The following SLC71A2 variants were observed in gnomAD, a reference collection of about 807,000 sequenced individuals.
SLC71A2 encodes solute carrier family 71 member 2.
At chr9:94,438,303 G>A in the SLC71A2 span, 8 of 1,409,680 alleles carry the variant, frequency 5.7e-6, no homozygotes, top group Non-Finnish European at 7.9e-6. Context: ...TTTGGGGGCA[G>A]TACAATGAAT....
chr9:94,459,339 C>T, the SLC71A2 span: 4 of 1,614,108 alleles, frequency 2.5e-6, no homozygotes, highest in South Asian at 4.4e-5. Context: ...GACATTGAGC[C>T]ACTACTGCAA....
At chr9:94,451,458 C>A in the SLC71A2 span, 1 of 1,533,206 alleles carries the variant, frequency 6.5e-7, no homozygotes. Flanking sequence ...TTCCATAGGT[C>A]ATAGGTTTTG....
the SLC71A2 span, among the ~76,000 whole-genome samples, chr9:94,429,435 A>G: frequency 6.6e-6 from 1 of 152,134 alleles, no homozygotes; most frequent in East Asian, 1.9e-4. Context: ...TAAGGCATAG[A>G]ATGGTTTACT....
the SLC71A2 span, among the ~76,000 whole-genome samples, chr9:94,428,286 T>C: frequency 6.6e-6 from 1 of 150,690 alleles, no homozygotes; most frequent in African/African-American, 2.5e-5. Context: ...GACTTACATT[T>C]ATTATTTTTG....
chr9:94,412,060 G>T, the SLC71A2 span, among the ~76,000 whole-genome samples: 1 of 152,140 alleles, frequency 6.6e-6, no homozygotes, highest in Admixed American at 6.6e-5. Context: ...TGCAGTTTGT[G>T]TTTCTTTTCA....
chr9:94,446,207 G>A, the SLC71A2 span, among the ~76,000 whole-genome samples: 1 of 152,228 alleles, frequency 6.6e-6, no homozygotes. Context: ...GGTCTGATGA[G>A]CTAGAAGCTC....
chr9:94,380,295 T>G, the SLC71A2 span, among the ~76,000 whole-genome samples: 1 of 151,072 alleles, frequency 6.6e-6, no homozygotes, highest in South Asian at 2.1e-4. Flanking sequence ...AATTTCTCAG[T>G]TTCTTACATG....
At chr9:94,378,463 A>C in the SLC71A2 span, among the ~76,000 whole-genome samples, 1 of 152,072 alleles carries the variant, frequency 6.6e-6, no homozygotes, top group Non-Finnish European at 1.5e-5. Context: ...CCCCATCTCT[A>C]CTAAAAATAC....
the SLC71A2 span, chr9:94,453,950 C>T: frequency 6.3e-7 from 1 of 1,586,486 alleles, no homozygotes. Flanking sequence ...GTCTCCTTTA[C>T]TTTGCAGACG....
the SLC71A2 span, among the ~76,000 whole-genome samples, chr9:94,419,175 A>C: frequency 2.6e-5 from 4 of 151,964 alleles, no homozygotes; most frequent in African/African-American, 9.7e-5. Context: ...ATACAGTGGC[A>C]CAATAATAGC....
At chr9:94,435,779 C>T in the SLC71A2 span, among the ~76,000 whole-genome samples, 937 of 151,614 alleles carry the variant, frequency 6.2e-3, 8 homozygotes, top group African/African-American at 0.021. Flanking sequence ...CTTAGCCTCC[C>T]GAGTAGCTGG....
the SLC71A2 span, among the ~76,000 whole-genome samples, chr9:94,450,493 CT>C: frequency 7.9e-4 from 81 of 101,962 alleles, no homozygotes; most frequent in Non-Finnish European, 8.7e-4. Flanking sequence ...AATAATGTAA[CT>C]TTTTTTTTTT....
the SLC71A2 span, chr9:94,459,235 C>G: frequency 6.2e-7 from 1 of 1,613,604 alleles, no homozygotes; most frequent in Non-Finnish European, 8.5e-7. Context: ...TTGCCTTATT[C>G]ATTCCTGAAT....
At chr9:94,441,849 A>G in the SLC71A2 span, among the ~76,000 whole-genome samples, 3 of 152,268 alleles carry the variant, frequency 2.0e-5, no homozygotes, top group African/African-American at 7.2e-5. Flanking sequence ...AGTGTTTCTG[A>G]TTTTCTCAGG....
the SLC71A2 span, among the ~76,000 whole-genome samples, chr9:94,424,917 T>TA: frequency 4.2e-4 from 47 of 111,146 alleles, no homozygotes; most frequent in African/African-American, 1.2e-3. Context: ...TTTTTTTTTT[T>TA]TAAATAATAA....
chr9:94,424,198 A>C, the SLC71A2 span, among the ~76,000 whole-genome samples: 1 of 151,710 alleles, frequency 6.6e-6, no homozygotes. Flanking sequence ...CCTTGTGCCA[A>C]CACCATCCTG....
At chr9:94,375,198 T>G in the SLC71A2 span, among the ~76,000 whole-genome samples, 1 of 152,010 alleles carries the variant, frequency 6.6e-6, no homozygotes, top group Non-Finnish European at 1.5e-5. Context: ...TTCGGAGTTC[T>G]CCGTCCCTGT....
At chr9:94,422,838 T>G in the SLC71A2 span, among the ~76,000 whole-genome samples, 1 of 152,222 alleles carries the variant, frequency 6.6e-6, no homozygotes, top group Admixed American at 6.5e-5. Context: ...TCTTTATATA[T>G]TCTAGGTACA....
chr9:94,398,807 T>TCC, the SLC71A2 span, among the ~76,000 whole-genome samples: 1 of 130,112 alleles, frequency 7.7e-6, no homozygotes, highest in African/African-American at 3.0e-5. Context: ...GCTCTTCCCC[T>TCC]CCCCCCCGTC....
Sources: gnomAD v4.1 joint callset for allele counts (sites outside exome capture counted in the v4.1 genomes callset) on GRCh38, gnomAD v4.1.1 for gene constraint, MANE v1.5 for transcripts, NCBI Gene and HGNC (gene_info 2026-07-23, HGNC 2026-07-21) for gene names.